The following RCAN2 variants were observed in gnomAD, a reference collection of about 807,000 sequenced individuals.
RCAN2 encodes the protein calcipressin-2.
In RCAN2, 9 loss-of-function variants were observed where a neutral mutation model predicts 23.6. The observed-to-expected ratio is 0.38, with a 90% CI of 0.23 to 0.67. The LOEUF (loss-of-function observed/expected upper bound fraction) is 0.67. RCAN2 is among the 30% of genes least tolerant of loss of function. RCAN2 has a pLI of 0.51. For synonymous variants in RCAN2, 109 were observed against 115.7 expected, an observed-to-expected ratio of 0.94 and a Z score of 0.37; for missense variants, 273 against 302.3, an observed-to-expected ratio of 0.90 and a Z score of 0.72.
intron 2 of RCAN2, among the ~76,000 whole-genome samples, chr6:46,436,204 A>G (rs1407934524): frequency 6.6e-6 from 1 of 152,206 alleles, no homozygotes; most frequent in Non-Finnish European, 1.5e-5. Context: ...AAGGGAAGCA[A>G]GAGTCCCAAC....
At chr6:46,317,664 A>G (rs1763482669) in intron 2 of RCAN2, among the ~76,000 whole-genome samples, 2 of 151,902 alleles carry the variant, frequency 1.3e-5, no homozygotes, top group African/African-American at 2.4e-5. Context: ...ACGGGGTTTC[A>G]CCGTGTTAGC....
intron 2 of RCAN2, among the ~76,000 whole-genome samples, chr6:46,255,855 T>C (rs113275857): frequency 2.6e-5 from 4 of 152,144 alleles, no homozygotes; most frequent in African/African-American, 9.6e-5. Flanking sequence ...TCTAGAAGCA[T>C]AGGAGGAAGC....
At chr6:46,230,619 A>T (rs1298938218) in intron 4 of RCAN2, among the ~76,000 whole-genome samples, 1 of 152,094 alleles carries the variant, frequency 6.6e-6, no homozygotes, top group African/African-American at 2.4e-5. Flanking sequence ...TGCTAAGACC[A>T]TTGGAAAAGC....
chr6:46,322,888 G>C (rs964423290), intron 2 of RCAN2, among the ~76,000 whole-genome samples: 2 of 152,206 alleles, frequency 1.3e-5, no homozygotes, highest in African/African-American at 4.8e-5. Context: ...TAAGAGTAAT[G>C]GTCAGTTTTG....
intron 2 of RCAN2, among the ~76,000 whole-genome samples, chr6:46,288,883 C>A (rs1762453325): frequency 6.6e-6 from 1 of 152,256 alleles, no homozygotes; most frequent in Non-Finnish European, 1.5e-5. Context: ...TAGTACAACA[C>A]CCAACAGGGA....
At chr6:46,338,518 T>C (rs1045018770) in intron 2 of RCAN2, among the ~76,000 whole-genome samples, 1 of 152,166 alleles carries the variant, frequency 6.6e-6, no homozygotes, top group Non-Finnish European at 1.5e-5. Context: ...CCATAGGCAA[T>C]GGGGAGTGAA....
At chr6:46,452,326 T>C (rs573057398) in intron 2 of RCAN2, among the ~76,000 whole-genome samples, 1 of 152,320 alleles carries the variant, frequency 6.6e-6, no homozygotes, top group South Asian at 2.1e-4. Flanking sequence ...GACTAATTTA[T>C]ACTATAATAA....
intron 2 of RCAN2, among the ~76,000 whole-genome samples, chr6:46,393,090 T>C (rs1056004638): frequency 6.6e-6 from 1 of 152,184 alleles, no homozygotes; most frequent in Non-Finnish European, 1.5e-5. Context: ...CTTTTAAAAT[T>C]TCGCAACAGA....
intron 2 of RCAN2, among the ~76,000 whole-genome samples, chr6:46,303,357 T>C (rs1762966792): frequency 1.3e-5 from 2 of 152,074 alleles, no homozygotes; most frequent in African/African-American, 4.8e-5. Flanking sequence ...CCAAAACTGT[T>C]ACTTCCCAGG....
chr6:46,467,375 A>G (rs139802280), intron 1 of RCAN2, among the ~76,000 whole-genome samples: 9 of 152,196 alleles, frequency 5.9e-5, no homozygotes, highest in African/African-American at 2.2e-4. Context: ...TGCCTTTTAT[A>G]GTGCTGTTTT....
At chr6:46,365,145 T>C in intron 2 of RCAN2, among the ~76,000 whole-genome samples, 1 of 152,142 alleles carries the variant, frequency 6.6e-6, no homozygotes, top group East Asian at 1.9e-4. Context: ...TGCACTTGAA[T>C]TATCCCAAAA....
chr6:46,450,829 G>A (rs1364322485), intron 2 of RCAN2, among the ~76,000 whole-genome samples: 2 of 152,046 alleles, frequency 1.3e-5, no homozygotes, highest in Non-Finnish European at 2.9e-5. Flanking sequence ...CAGGAGGAAT[G>A]AGTTCAAAAG....
At position 46,387,652 on chromosome 6, in the gene RCAN2, A is replaced by G. The variant is rs1000997228; in HGVS notation, c.225+69100T>C. ...AAATAGGAACACTTTTACACTGTTG[A>G]TGGGACTGTAAACTAGTTCAACCAT... On this transcript the variant is annotated intron_variant, in intron 2 of 4. Coordinates refer to ENST00000371374, the MANE Select transcript of RCAN2 (RefSeq NM_001251974.2). Among the ~76,000 whole-genome samples, 7 of 152,254 alleles carry G rather than the reference A, an allele frequency of 4.6e-5. No homozygotes were observed. The East Asian group carries it at 5.8e-4, about 13-fold the overall frequency.
intron 2 of RCAN2, among the ~76,000 whole-genome samples, chr6:46,258,843 C>T (rs1767009928): frequency 6.6e-6 from 1 of 152,062 alleles, no homozygotes; most frequent in African/African-American, 2.4e-5. Flanking sequence ...TCCAAGCCAA[C>T]AAACAAACAA....
At chr6:46,383,994 G>A (rs1561883448) in intron 2 of RCAN2, among the ~76,000 whole-genome samples, 1 of 152,124 alleles carries the variant, frequency 6.6e-6, no homozygotes, top group East Asian at 1.9e-4. Context: ...ACAATAGCAG[G>A]ACAAAAGGAA....
intron 4 of RCAN2, among the ~76,000 whole-genome samples, chr6:46,241,100 G>A (rs942331181): frequency 3.9e-5 from 6 of 152,156 alleles, no homozygotes; most frequent in Admixed American, 2.6e-4. Flanking sequence ...ATAAAGGCTG[G>A]CATTTTGCTT....
chr6:46,427,780 A>T (rs770837473), intron 2 of RCAN2, among the ~76,000 whole-genome samples: 8 of 152,196 alleles, frequency 5.3e-5, no homozygotes, highest in Non-Finnish European at 7.3e-5. Context: ...GACAATTCAA[A>T]CTTTCAAGCA....
chr6:46,221,798 A>G lies in RCAN2; in HGVS notation c.*1343T>C. On this transcript the variant is annotated 3_prime_UTR_variant, in exon 5 of 5. Coordinates refer to ENST00000371374, the MANE Select transcript of RCAN2 (RefSeq NM_001251974.2). ...CGTTTGCATCTAAAGTAATTCATTA[A>G]TGTACAGGAGTAGATGAGGCCTGGC... is the stretch of plus-strand genomic sequence containing the variant. The G allele has an allele frequency of 2.5e-6, 1 of 396,772 alleles. No individual in the cohort carries two copies. The allele number at this position is 396,772 out of a possible 1,614,324, so 24.6% of individuals were successfully genotyped here.
At chr6:46,362,786 T>C (rs920444488) in intron 2 of RCAN2, among the ~76,000 whole-genome samples, 5 of 152,144 alleles carry the variant, frequency 3.3e-5, no homozygotes, top group Non-Finnish European at 7.4e-5. Context: ...TCATTGTTGA[T>C]GGAAAAATAC....
Sources: gnomAD v4.1 joint callset for allele counts (sites outside exome capture counted in the v4.1 genomes callset) on GRCh38, gnomAD v4.1.1 for gene constraint, MANE v1.5 for transcripts, NCBI Gene and HGNC (gene_info 2026-07-23, HGNC 2026-07-21) for gene names.